The following XPO7 variants were observed in gnomAD, a reference collection of about 807,000 sequenced individuals.
XPO7 encodes exportin-7.
In XPO7, 21 loss-of-function variants were observed where a neutral mutation model predicts 144.3. That is an observed-to-expected ratio of 0.15 (90% CI 0.10 to 0.21). The LOEUF (loss-of-function observed/expected upper bound fraction) is 0.21. XPO7 is among the 10% of genes least tolerant of loss of function. The pLI, the probability that XPO7 is intolerant of heterozygous loss-of-function variation, is 1.00. For missense variants in XPO7, 808 were observed against 1,325.8 expected, an observed-to-expected ratio of 0.61 and a Z score of 6.06; for synonymous variants, 580 against 499.6, an observed-to-expected ratio of 1.16 and a Z score of -2.15.
At position 22,005,829 on chromosome 8, in the gene XPO7, C is replaced by T. The variant is rs1425408980; in HGVS notation, c.*741C>T. 6.6e-6 allele frequency: 1 copy of T among 152,204 alleles called. No homozygotes were observed. Among genetic ancestry groups the T allele is most frequent in the African/African-American group, 2.4e-5 (1 of 41,432 alleles). The allele number at this position is 152,204 out of a possible 1,614,324, so 9.4% of individuals were successfully genotyped here. A position where few individuals can be genotyped will look rare whatever the true frequency, so the allele number is the denominator to read the frequency against. On this transcript the variant is annotated 3_prime_UTR_variant, in exon 28 of 28. Coordinates refer to ENST00000252512, the MANE Select transcript of XPO7 (RefSeq NM_015024.5). Reference sequence around the variant, plus strand: ...CCCTTGCAGTGATAAATAACTCCAGCTAAAAGTGTTTGGTGTTCTTATCTC... The same window carrying T: ...CCCTTGCAGTGATAAATAACTCCAGTTAAAAGTGTTTGGTGTTCTTATCTC...
intron 1 of XPO7, among the ~76,000 whole-genome samples, chr8:21,964,633 G>T (rs555033422): frequency 6.5e-4 from 98 of 151,842 alleles, no homozygotes; most frequent in Non-Finnish European, 1.1e-3. Flanking sequence ...AAATGGAGCT[G>T]TCGTTCTTCA....
rs547531356 is a variant in XPO7 at position 22,004,903 on chromosome 8, T to C, written c.3171-92T>C. On this transcript the variant is annotated intron_variant, in intron 27 of 27. Coordinates refer to ENST00000252512, the MANE Select transcript of XPO7 (RefSeq NM_015024.5). ...AAACAGAACCCATCAATTCATACAT[T>C]CTACTTCCCATGCTTTAAAAAAAAA... 622 of 709,720 alleles carry C rather than the reference T, an allele frequency of 8.8e-4. 1 individual carries two copies. The highest frequency in any genetic ancestry group is 1.3e-3 in the Non-Finnish European group (570 of 436,678). 44.0% of individuals were successfully genotyped at this position (709,720 alleles called of 1,614,324 possible). A position where few individuals can be genotyped will look rare whatever the true frequency, so the allele number is the denominator to read the frequency against.
chr8:21,983,186 TAAG>T (rs1286495297), intron 11 of XPO7, among the ~76,000 whole-genome samples: 1 of 152,218 alleles, frequency 6.6e-6, no homozygotes, highest in African/African-American at 2.4e-5. Context: ...CCTAAAGAAA[TAAG>T]TGGATAAAGA....
At chr8:21,957,338 A>G (rs775575104) in intron 1 of XPO7, among the ~76,000 whole-genome samples, 1 of 152,168 alleles carries the variant, frequency 6.6e-6, no homozygotes, top group African/African-American at 2.4e-5. Flanking sequence ...TTAACTTCTC[A>G]AAGATACTTT....
At chr8:22,002,803 T>G (rs1813197040) in intron 25 of XPO7, among the ~76,000 whole-genome samples, 1 of 152,236 alleles carries the variant, frequency 6.6e-6, no homozygotes, top group Admixed American at 6.5e-5. Context: ...GTCTTACCTT[T>G]GTCCACACCG....
At chr8:21,970,031 A>G in intron 3 of XPO7, 113 bp from the exon 4 acceptor site, 1 of 1,236,934 alleles carries the variant, frequency 8.1e-7, no homozygotes, top group Non-Finnish European at 1.1e-6. Flanking sequence ...TTTGGGTTAA[A>G]TAGTCTAAAT....
intron 1 of XPO7, among the ~76,000 whole-genome samples, chr8:21,950,862 G>A (rs552337536): frequency 1.3e-5 from 2 of 151,832 alleles, no homozygotes; most frequent in South Asian, 2.1e-4. Flanking sequence ...AGAGCCTGGC[G>A]TATAATCCCA....
At chr8:21,963,247 A>G (rs2117316352) in intron 1 of XPO7, among the ~76,000 whole-genome samples, 1 of 152,312 alleles carries the variant, frequency 6.6e-6, no homozygotes, top group South Asian at 2.1e-4. Flanking sequence ...TGCTCTTCAG[A>G]ACACCTGCGG....
At chr8:21,921,469 C>G (rs1160636848) in intron 1 of XPO7, 2 of 152,128 alleles carry the variant, frequency 1.3e-5, no homozygotes, top group African/African-American at 2.4e-5. Flanking sequence ...CAGAGGGAGT[C>G]AGTACTTTTA....
chr8:21,982,312 T>A (rs1406248065), intron 10 of XPO7, among the ~76,000 whole-genome samples: 1 of 152,190 alleles, frequency 6.6e-6, no homozygotes, highest in African/African-American at 2.4e-5. Flanking sequence ...AATTTCTGGT[T>A]CAGTAGGTCC....
At chr8:21,956,810 T>C (rs1462213156) in intron 1 of XPO7, among the ~76,000 whole-genome samples, 1 of 152,156 alleles carries the variant, frequency 6.6e-6, no homozygotes, top group Non-Finnish European at 1.5e-5. Flanking sequence ...TTTCATCTTT[T>C]GTTTTTTGGT....
chr8:21,990,588 T>A, intron 17 of XPO7, 181 bp downstream of exon 17: 1 of 766,256 alleles, frequency 1.3e-6, no homozygotes, highest in Non-Finnish European at 2.1e-6. Context: ...GAGATCCAGA[T>A]GATGTGAGTT....
intron 16 of XPO7, among the ~76,000 whole-genome samples, chr8:21,989,675 A>C (rs1585473940): frequency 6.6e-6 from 1 of 152,178 alleles, no homozygotes; most frequent in African/African-American, 2.4e-5. Context: ...TATACACAAT[A>C]TATGCCTCTT....
Position 21,970,139 on chromosome 8 carries a change from A to C in XPO7, c.260-5A>C. The C allele has an allele frequency of 1.9e-6, 3 of 1,599,180 alleles. No individual in the cohort carries two copies. The highest frequency in any genetic ancestry group is 2.6e-6 in the Non-Finnish European group (3 of 1,175,034). ...TTGGTTTTGTTTCTTGTTTTTTTTT[A>C]ATAGGGAACTATGTGCTCAACTACC... On this transcript the variant is annotated splice_polypyrimidine_tract_variant and splice_region_variant and intron_variant, in intron 3 of 27. Coordinates refer to ENST00000252512, the MANE Select transcript of XPO7 (RefSeq NM_015024.5).
intron 1 of XPO7, among the ~76,000 whole-genome samples, chr8:21,933,346 T>G (rs1268111566): frequency 1.3e-5 from 2 of 152,064 alleles, no homozygotes; most frequent in African/African-American, 4.8e-5. Flanking sequence ...GTGATCTGCC[T>G]GCCTCGGCCT....
intron 1 of XPO7, among the ~76,000 whole-genome samples, chr8:21,942,185 G>A (rs573676210): frequency 6.6e-6 from 1 of 152,296 alleles, no homozygotes; most frequent in African/African-American, 2.4e-5. Flanking sequence ...TGTGTTTAAA[G>A]TGGTGCAGGA....
chr8:21,966,305 G>T, intron 1 of XPO7: 1 of 780,682 alleles, frequency 1.3e-6, no homozygotes, highest in South Asian at 1.3e-5. Flanking sequence ...GAGGGATCCA[G>T]GGAGGAAGGT....
chr8:21,935,529 C>A (rs1306856555), intron 1 of XPO7, among the ~76,000 whole-genome samples: 5 of 152,098 alleles, frequency 3.3e-5, no homozygotes, highest in Admixed American at 2.0e-4. Context: ...ATAGTCTTAA[C>A]TCATATATTT....
chr8:21,942,943 T>G (rs1811042111), intron 1 of XPO7, among the ~76,000 whole-genome samples: 1 of 152,218 alleles, frequency 6.6e-6, no homozygotes, highest in Non-Finnish European at 1.5e-5. Flanking sequence ...ATATAATGGC[T>G]CCCAGTGCAC....
Sources: gnomAD v4.1 joint callset for allele counts (sites outside exome capture counted in the v4.1 genomes callset) on GRCh38, gnomAD v4.1.1 for gene constraint, MANE v1.5 for transcripts, NCBI Gene and HGNC (gene_info 2026-07-23, HGNC 2026-07-21) for gene names.